CPHXL2: variants seen among roughly 807,000 people sequenced by gnomAD.
The protein encoded by CPHXL2 is cytoplasmic polyadenylated homeobox like 2.
the CPHXL2 span, among the ~76,000 whole-genome samples, chr16:75,669,095 G>T: frequency 1.8e-4 from 27 of 152,078 alleles, no homozygotes; most frequent in African/African-American, 6.3e-4. Flanking sequence ...TGGGTGCATT[G>T]CTTGACCCCA....
At chr16:75,660,843 C>T in the CPHXL2 span, 2 of 398,514 alleles carry the variant, frequency 5.0e-6, no homozygotes, top group Non-Finnish European at 8.8e-6. Flanking sequence ...TCCTGTGTCA[C>T]CTCCATACTC....
At chr16:75,660,697 A>G in the CPHXL2 span, 38 of 398,622 alleles carry the variant, frequency 9.5e-5, no homozygotes, top group Middle Eastern at 6.3e-4. Flanking sequence ...GCGTAATCCA[A>G]AAGGAAGGGA....
At chr16:75,668,484 C>A in the CPHXL2 span, among the ~76,000 whole-genome samples, 1 of 152,244 alleles carries the variant, frequency 6.6e-6, no homozygotes, top group Non-Finnish European at 1.5e-5. Flanking sequence ...ACTGTGGCCT[C>A]CCAAAGTGCT....
the CPHXL2 span, among the ~76,000 whole-genome samples, chr16:75,663,975 G>A: frequency 4.1e-4 from 62 of 151,882 alleles, no homozygotes; most frequent in Non-Finnish European, 8.7e-4. Context: ...GGTACCTGGT[G>A]GCTTCATCAG....
chr16:75,673,667 G>A, the CPHXL2 span, among the ~76,000 whole-genome samples: 1 of 151,984 alleles, frequency 6.6e-6, no homozygotes, highest in Non-Finnish European at 1.5e-5. Flanking sequence ...TTCTAGGTCT[G>A]GGGCAGAAAG....
chr16:75,675,509 C>T, the CPHXL2 span, among the ~76,000 whole-genome samples: 1 of 151,844 alleles, frequency 6.6e-6, no homozygotes, highest in African/African-American at 2.4e-5. Flanking sequence ...ACTGGGTTTT[C>T]AGAGAAAGAG....
the CPHXL2 span, among the ~76,000 whole-genome samples, chr16:75,662,544 G>C: frequency 6.6e-6 from 1 of 151,910 alleles, no homozygotes; most frequent in African/African-American, 2.4e-5. Flanking sequence ...CAACTCATTA[G>C]TGTAGAAAAA....
the CPHXL2 span, among the ~76,000 whole-genome samples, chr16:75,674,196 A>G: frequency 6.6e-6 from 1 of 151,176 alleles, no homozygotes; most frequent in East Asian, 1.9e-4. Context: ...ACACAGTGAA[A>G]CCCCATCTCT....
the CPHXL2 span, among the ~76,000 whole-genome samples, chr16:75,673,544 G>C: frequency 1.3e-4 from 20 of 152,040 alleles, 1 homozygote; most frequent in Non-Finnish European, 2.9e-4. Flanking sequence ...CTACCTGAAA[G>C]GTCCAGAAGC....
At chr16:75,668,231 AT>A in the CPHXL2 span, among the ~76,000 whole-genome samples, 522 of 74,420 alleles carry the variant, frequency 7.0e-3, 2 homozygotes, top group African/African-American at 0.022. Flanking sequence ...ATACATATAT[AT>A]TTTTTTTTTT....
At chr16:75,661,326 A>G in the CPHXL2 span, 1 of 398,866 alleles carries the variant, frequency 2.5e-6, no homozygotes, top group African/African-American at 2.1e-5. Flanking sequence ...TTAATGTAGG[A>G]GGCTTTTTCT....
chr16:75,661,870 GA>G, the CPHXL2 span, among the ~76,000 whole-genome samples: 1 of 152,146 alleles, frequency 6.6e-6, no homozygotes, highest in Non-Finnish European at 1.5e-5. Context: ...AACAGTCACA[GA>G]AAGACTACTG....
chr16:75,665,358 G>C, the CPHXL2 span, among the ~76,000 whole-genome samples: 2 of 152,144 alleles, frequency 1.3e-5, no homozygotes, highest in South Asian at 4.1e-4. Flanking sequence ...ACAATTATCA[G>C]CCAAGAATTT....
chr16:75,671,118 C>A, the CPHXL2 span, among the ~76,000 whole-genome samples: 7 of 152,192 alleles, frequency 4.6e-5, no homozygotes, highest in African/African-American at 1.7e-4. Flanking sequence ...TGCGCCGGCT[C>A]ACGCCTATAA....
the CPHXL2 span, chr16:75,660,787 C>T: frequency 7.0e-5 from 28 of 398,668 alleles, no homozygotes; most frequent in Admixed American, 4.4e-5. Context: ...TGAAGGCATT[C>T]TGCAGAGTTG....
the CPHXL2 span, among the ~76,000 whole-genome samples, chr16:75,674,020 G>GA: frequency 6.9e-6 from 1 of 145,666 alleles, no homozygotes; most frequent in African/African-American, 2.5e-5. Context: ...TAAAAGAAAA[G>GA]AAAAAATTCC....
chr16:75,670,089 T>C, the CPHXL2 span, among the ~76,000 whole-genome samples: 2 of 152,188 alleles, frequency 1.3e-5, no homozygotes, highest in Non-Finnish European at 2.9e-5. Context: ...TAATTGTTTG[T>C]ATTTTTAGTA....
the CPHXL2 span, chr16:75,669,361 AC>A: frequency 5.0e-6 from 2 of 400,310 alleles, no homozygotes; most frequent in African/African-American, 2.1e-5. Flanking sequence ...GGTTGAACTT[AC>A]GTTTATCACG....
chr16:75,670,049 G>A, the CPHXL2 span, among the ~76,000 whole-genome samples: 1 of 152,034 alleles, frequency 6.6e-6, no homozygotes, highest in African/African-American at 2.4e-5. Context: ...CAAGTAGCTG[G>A]GATTACAGGC....
Sources: gnomAD v4.1 joint callset for allele counts (sites outside exome capture counted in the v4.1 genomes callset) on GRCh38, gnomAD v4.1.1 for gene constraint, MANE v1.5 for transcripts, NCBI Gene and HGNC (gene_info 2026-07-23, HGNC 2026-07-21) for gene names.